The following SPTA1 variants were observed in gnomAD, a reference collection of about 807,000 sequenced individuals.
SPTA1 encodes spectrin alpha, erythrocytic 1.
Under a neutral mutation model 324.7 loss-of-function variants are expected in SPTA1, and 177 were observed. The ratio of observed to expected loss-of-function variants is 0.55; its 90% CI spans 0.48 to 0.62. The LOEUF (loss-of-function observed/expected upper bound fraction) is 0.62. SPTA1 is among the 20% of genes least tolerant of loss of function. The pLI is 0.00. For missense variants in SPTA1, 3,162 were observed against 2,883.6 expected (o/e 1.10, Z -2.21); for synonymous variants, 1,195 against 1,041.3 (o/e 1.15, Z -2.84).
At chr1:158,642,059 A>G (rs7514285) in intron 33 of SPTA1, among the ~76,000 whole-genome samples, 8,291 of 152,112 alleles carry the variant, frequency 0.055, 520 homozygotes, top group African/African-American at 0.15. Flanking sequence ...TATCACAAGG[A>G]CAAAAAACCA....
chr1:158,629,631 A>T (rs917642082), intron 39 of SPTA1, among the ~76,000 whole-genome samples: 1 of 152,120 alleles, frequency 6.6e-6, no homozygotes, highest in African/African-American at 2.4e-5. Flanking sequence ...CAAGGCAAAG[A>T]TAATCGCTCT....
chr1:158,655,239 G>A (rs1443725117), intron 20 of SPTA1, among the ~76,000 whole-genome samples: 1 of 146,806 alleles, frequency 6.8e-6, no homozygotes, highest in African/African-American at 2.7e-5. Flanking sequence ...AGATATGAGT[G>A]ATCAATAGCA....
intron 10 of SPTA1, among the ~76,000 whole-genome samples, 170 bp downstream of exon 10, chr1:158,674,159 T>C (rs1386644286): frequency 6.6e-6 from 1 of 152,146 alleles, no homozygotes; most frequent in Non-Finnish European, 1.5e-5. Flanking sequence ...CCATGGATAA[T>C]AAGTGATAAC....
At chr1:158,618,379 T>G (rs917597632) in intron 45 of SPTA1, among the ~76,000 whole-genome samples, 4 of 152,178 alleles carry the variant, frequency 2.6e-5, no homozygotes, top group South Asian at 4.1e-4. Flanking sequence ...TTCTCTGCCT[T>G]CTGTCAGATG....
chr1:158,678,787 G>T (rs1654588342), intron 5 of SPTA1, among the ~76,000 whole-genome samples: 1 of 152,018 alleles, frequency 6.6e-6, no homozygotes, highest in South Asian at 2.1e-4. Context: ...AGCACAGGTT[G>T]CCCAGCCCTG....
chr1:158,643,088 CTTA>C (rs1651735053), intron 31 of SPTA1, 112 bp from the exon 32 acceptor site: 4 of 1,449,010 alleles, frequency 2.8e-6, no homozygotes, highest in Non-Finnish European at 2.8e-6. Flanking sequence ...CTCACATAGT[CTTA>C]TTATTTTCAT....
intron 46 of SPTA1, 148 bp downstream of exon 46, chr1:158,617,891 T>C (rs1245233404): frequency 3.8e-6 from 3 of 794,266 alleles, no homozygotes; most frequent in East Asian, 2.6e-5. Context: ...GAATGAAATA[T>C]AATGAGCTTT....
intron 48 of SPTA1, chr1:158,614,949 A>G: frequency 2.3e-6 from 1 of 440,914 alleles, no homozygotes; most frequent in Non-Finnish European, 4.1e-6. Flanking sequence ...AAGATGGTGA[A>G]AGAACTCTGA....
intron 48 of SPTA1, chr1:158,614,968 G>A (rs1392930527): frequency 2.1e-6 from 1 of 486,224 alleles, no homozygotes; most frequent in Non-Finnish European, 3.7e-6. Flanking sequence ...GAGAAATTGG[G>A]TATAAAAGTC....
chr1:158,657,611 G>T lies in SPTA1; in HGVS notation c.2671C>A (p.Arg891=), dbSNP rs755630903. ...ACATTGGCTTCAAGATCATTTTGTCGCCTAGCAGCTCGAGCACGGAGAGAC... is the reference window on the plus strand; with the variant it reads ...ACATTGGCTTCAAGATCATTTTGTCTCCTAGCAGCTCGAGCACGGAGAGAC... ...MESLRARAAR[R]QNDLEANVQF... The change falls in exon 19 of 52, where the codon CGA becomes AGA. Residue 891 remains arginine (R), a synonymous_variant. Transcript: ENST00000643759. 3.7e-6 allele frequency: 6 copies of T among 1,614,016 alleles called. No homozygotes were observed. In the South Asian group the frequency reaches 5.5e-5, roughly 15 times the overall value.
intron 23 of SPTA1, among the ~76,000 whole-genome samples, chr1:158,652,024 G>A (rs1652481507): frequency 6.6e-6 from 1 of 151,994 alleles, no homozygotes; most frequent in Non-Finnish European, 1.5e-5. Flanking sequence ...AAAAATCTAA[G>A]GGAAGAAAGA....
At chr1:158,646,188 G>A (rs1651986634) in intron 27 of SPTA1, among the ~76,000 whole-genome samples, 1 of 152,108 alleles carries the variant, frequency 6.6e-6, no homozygotes, top group Non-Finnish European at 1.5e-5. Context: ...TAGTAGTCAG[G>A]AAGTTAGACG....
At chr1:158,684,094 A>G (rs1571538626) in intron 2 of SPTA1, among the ~76,000 whole-genome samples, 1 of 92,218 alleles carries the variant, frequency 1.1e-5, no homozygotes, top group African/African-American at 4.5e-5. Flanking sequence ...AATTTAGGGA[A>G]GAAAAAAAAA....
At chr1:158,634,467 A>G in intron 39 of SPTA1, 76 bp downstream of exon 39, 1 of 1,572,940 alleles carries the variant, frequency 6.4e-7, no homozygotes, top group Non-Finnish European at 8.7e-7. Context: ...CTAATATTAC[A>G]GGTAAAAACA....
intron 39 of SPTA1, among the ~76,000 whole-genome samples, chr1:158,631,797 G>A (rs567045368): frequency 1.3e-3 from 202 of 152,288 alleles, no homozygotes; most frequent in African/African-American, 4.5e-3. Flanking sequence ...TAAAAGGCCA[G>A]TGTTAGTGAA....
intron 14 of SPTA1, among the ~76,000 whole-genome samples, chr1:158,668,514 A>G (rs1295863279): frequency 6.6e-6 from 1 of 152,206 alleles, no homozygotes; most frequent in Non-Finnish European, 1.5e-5. Flanking sequence ...TGCAAGGATA[A>G]GATGTTCATA....
chr1:158,674,387 T>C lies in SPTA1; in HGVS notation c.1292A>G (p.Glu431Gly), dbSNP rs1037675074. 4 of 1,614,002 alleles carry C rather than the reference T, an allele frequency of 2.5e-6. No homozygotes were observed. The highest frequency in any genetic ancestry group is 3.4e-6 in the Non-Finnish European group (4 of 1,179,978). Reference protein sequence around the residue: ...SYDDRFQSADETGQDLVNANH... With the variant: ...SYDDRFQSADGTGQDLVNANH... ...GGCATTCACGAGGTCTTGACCAGTC[T>C]CATCAGCAGATTGAAATCGGTCATC... The change falls in exon 10 of 52, where the codon GAG becomes GGG. Residue 431 changes from glutamate (E) to glycine (G), a missense_variant. By Grantham distance (98) the Glu-to-Gly change is moderately conservative. Coordinates refer to ENST00000643759, the MANE Select transcript of SPTA1 (RefSeq NM_003126.4).
intron 13 of SPTA1, 47 bp downstream of exon 13, chr1:158,669,662 T>C (rs772760742): frequency 4.3e-6 from 7 of 1,614,050 alleles, no homozygotes; most frequent in Non-Finnish European, 5.9e-6. Context: ...AAACTCTTCT[T>C]GATTCTAGTG....
At chr1:158,622,294 T>C (rs1258476321) in intron 43 of SPTA1, among the ~76,000 whole-genome samples, 2 of 152,114 alleles carry the variant, frequency 1.3e-5, no homozygotes, top group Non-Finnish European at 2.9e-5. Context: ...TACATTATTA[T>C]ATTAATCCAT....
Sources: gnomAD v4.1 joint callset for allele counts (sites outside exome capture counted in the v4.1 genomes callset) on GRCh38, gnomAD v4.1.1 for gene constraint, MANE v1.5 for transcripts, NCBI Gene and HGNC (gene_info 2026-07-23, HGNC 2026-07-21) for gene names.